DNAH11: variants seen among roughly 807,000 people sequenced by gnomAD.
The protein encoded by DNAH11 is axonemal beta dynein heavy chain 11.
Under a neutral mutation model 526.0 loss-of-function variants are expected in DNAH11, and 442 were observed. The ratio of observed to expected loss-of-function variants is 0.84; its 90% confidence interval spans 0.78 to 0.91. The LOEUF (loss-of-function observed/expected upper bound fraction) is 0.91. Among genes scored for constraint, DNAH11 ranks in the 40% least tolerant of loss-of-function variants. The pLI is 0.00. For synonymous variants in DNAH11, 2,461 were observed against 1,935.9 expected, an observed-to-expected ratio of 1.27 and a Z score of -7.12; for missense variants, 6,989 against 5,448.7, an observed-to-expected ratio of 1.28 and a Z score of -8.90.
At chr7:21,640,022 G>T (rs1305219962) in intron 28 of DNAH11, among the ~76,000 whole-genome samples, 1 of 152,028 alleles carries the variant, frequency 6.6e-6, no homozygotes, top group African/African-American at 2.4e-5. Flanking sequence ...ACTTAACTTT[G>T]AACCTAAATT....
At chr7:21,877,256 C>T (rs544716869) in intron 74 of DNAH11, among the ~76,000 whole-genome samples, 7 of 152,252 alleles carry the variant, frequency 4.6e-5, no homozygotes, top group African/African-American at 1.7e-4. Flanking sequence ...GTCACCCAGG[C>T]TGAAGTGCAG....
intron 73 of DNAH11, among the ~76,000 whole-genome samples, chr7:21,869,204 T>C (rs1263285703): frequency 6.6e-6 from 1 of 152,172 alleles, no homozygotes; most frequent in African/African-American, 2.4e-5. Flanking sequence ...TGTCTAGCCA[T>C]TGTACTCTAA....
intron 42 of DNAH11, among the ~76,000 whole-genome samples, chr7:21,715,620 T>G: frequency 6.6e-6 from 1 of 152,156 alleles, no homozygotes; most frequent in East Asian, 1.9e-4. Context: ...GAACTTTTTA[T>G]ATGAAGCAGT....
intron 66 of DNAH11, among the ~76,000 whole-genome samples, chr7:21,843,210 A>G (rs1782281483): frequency 6.6e-6 from 1 of 152,242 alleles, no homozygotes; most frequent in South Asian, 2.1e-4. Context: ...TTAGTGTTAT[A>G]TACAGAAAAC....
intron 76 of DNAH11, among the ~76,000 whole-genome samples, chr7:21,891,925 A>G (rs113583063): frequency 2.6e-5 from 4 of 152,306 alleles, no homozygotes; most frequent in African/African-American, 9.6e-5. Flanking sequence ...AATTCACATC[A>G]TATATAAAAT....
intron 36 of DNAH11, among the ~76,000 whole-genome samples, chr7:21,700,105 C>T (rs1049985517): frequency 6.6e-6 from 1 of 152,120 alleles, no homozygotes; most frequent in Non-Finnish European, 1.5e-5. Flanking sequence ...TATGAGAAAA[C>T]TGAGCAAAAC....
At chr7:21,780,855 A>G (rs1316953946) in intron 57 of DNAH11, among the ~76,000 whole-genome samples, 1 of 152,186 alleles carries the variant, frequency 6.6e-6, no homozygotes, top group Non-Finnish European at 1.5e-5. Flanking sequence ...GGGATATTTG[A>G]CAAGCAGGGG....
At chr7:21,645,595 C>T (rs1011849408) in intron 28 of DNAH11, among the ~76,000 whole-genome samples, 4 of 151,902 alleles carry the variant, frequency 2.6e-5, no homozygotes, top group Admixed American at 2.6e-4. Flanking sequence ...AGGATATATA[C>T]AGAGAATCAA....
At chr7:21,832,417 G>T (rs1018460567) in intron 65 of DNAH11, among the ~76,000 whole-genome samples, 1 of 152,018 alleles carries the variant, frequency 6.6e-6, no homozygotes, top group African/African-American at 2.4e-5. Context: ...TTTCTCCTTC[G>T]CTTATGAAGC....
chr7:21,734,911 C>T (rs1050466599), intron 45 of DNAH11, among the ~76,000 whole-genome samples: 2 of 151,762 alleles, frequency 1.3e-5, no homozygotes, highest in Non-Finnish European at 2.9e-5. Flanking sequence ...GTGGCTCAAG[C>T]CTGTAATCCC....
intron 40 of DNAH11, among the ~76,000 whole-genome samples, chr7:21,708,340 C>T: frequency 6.6e-6 from 1 of 152,226 alleles, no homozygotes; most frequent in East Asian, 1.9e-4. Context: ...ACCCTACATC[C>T]AACCTCACAG....
intron 51 of DNAH11, among the ~76,000 whole-genome samples, chr7:21,746,381 A>G (rs1393036020): frequency 6.6e-6 from 1 of 152,156 alleles, no homozygotes; most frequent in Non-Finnish European, 1.5e-5. Context: ...AGGCAGGAGG[A>G]TCACTTGAGG....
intron 8 of DNAH11, among the ~76,000 whole-genome samples, chr7:21,575,839 C>A (rs1242644416): frequency 6.6e-6 from 1 of 152,310 alleles, no homozygotes; most frequent in African/African-American, 2.4e-5. Context: ...TTATCCCTTA[C>A]TATATTTTGG....
At chr7:21,727,896 T>G (rs1236791094) in intron 45 of DNAH11, among the ~76,000 whole-genome samples, 1 of 152,190 alleles carries the variant, frequency 6.6e-6, no homozygotes, top group Non-Finnish European at 1.5e-5. Flanking sequence ...GCAGCCTTTC[T>G]CCTCGGTTTG....
intron 30 of DNAH11, among the ~76,000 whole-genome samples, chr7:21,672,615 C>G (rs62445270): frequency 6.6e-6 from 1 of 152,160 alleles, no homozygotes; most frequent in African/African-American, 2.4e-5. Context: ...TGCAGAGTGG[C>G]CTCTTCCAGC....
chr7:21,672,332 C>G (rs374002451), intron 30 of DNAH11, among the ~76,000 whole-genome samples: 1 of 152,188 alleles, frequency 6.6e-6, no homozygotes, highest in East Asian at 1.9e-4. Context: ...ATTGTCCAGG[C>G]TAGAGTGCAG....
intron 57 of DNAH11, among the ~76,000 whole-genome samples, chr7:21,779,347 A>C (rs1467316149): frequency 6.6e-6 from 1 of 152,206 alleles, no homozygotes; most frequent in Non-Finnish European, 1.5e-5. Context: ...AGCTCATTCA[A>C]GCATATAATG....
At position 21,861,964 on chromosome 7, in the gene DNAH11, A is replaced by T. The variant is rs1331499434; in HGVS notation, c.11314A>T (p.Thr3772Ser). The part of the protein sequence containing the change: ...ESITHAVFLY[T>S]SQALFEKDKL... ...CATCACCCATGCTGTCTTCCTCTACACCAGCCAGGCGCTGTTTGAGAAGGA... is the reference window on the plus strand; with the variant it reads ...CATCACCCATGCTGTCTTCCTCTACTCCAGCCAGGCGCTGTTTGAGAAGGA... The change falls in exon 69 of 82, where the codon ACC (threonine) becomes TCC (serine). Residue 3772 changes from threonine (T) to serine (S), a missense_variant. Physicochemically the swap from Thr to Ser is moderately conservative, Grantham distance 58. Transcript: ENST00000409508. 1 of 1,613,656 alleles carries T rather than the reference A, an allele frequency of 6.2e-7. No homozygotes were observed. Among genetic ancestry groups the T allele is most frequent in the African/African-American group, 1.3e-5 (1 of 74,896 alleles).
intron 62 of DNAH11, among the ~76,000 whole-genome samples, chr7:21,802,023 G>A (rs968914923): frequency 3.9e-5 from 6 of 152,134 alleles, no homozygotes; most frequent in African/African-American, 1.4e-4. Flanking sequence ...ATCACTGAAC[G>A]TCTTCAACTT....
Sources: gnomAD v4.1 joint callset for allele counts (sites outside exome capture counted in the v4.1 genomes callset) on GRCh38, gnomAD v4.1.1 for gene constraint, MANE v1.5 for transcripts, NCBI Gene and HGNC (gene_info 2026-07-23, HGNC 2026-07-21) for gene names.